The following GLE1 variants were observed in gnomAD, a reference collection of about 807,000 sequenced individuals.
The protein encoded by GLE1 is GLE1 RNA export mediator.
Under a neutral mutation model 97.3 loss-of-function variants are expected in GLE1, and 78 were observed. The ratio of observed to expected loss-of-function variants is 0.80; its 90% CI spans 0.67 to 0.97. GLE1 has a LOEUF of 0.97. Ranked by LOEUF, GLE1 falls within the 50% of genes least tolerant of loss-of-function variation. GLE1 has a pLI of 0.00. For missense variants in GLE1, 753 were observed against 857.5 expected, an observed-to-expected ratio of 0.88 and a Z score of 1.52; for synonymous variants, 302 against 313.4, an observed-to-expected ratio of 0.96 and a Z score of 0.39.
chr9:128,532,445 C>T (rs989737582), intron 9 of GLE1, among the ~76,000 whole-genome samples: 25 of 151,032 alleles, frequency 1.7e-4, no homozygotes, highest in Admixed American at 4.0e-4. Context: ...AGGCTGGTCT[C>T]GAACTCCTGA....
At chr9:128,525,968 G>A (rs1002327328) in intron 7 of GLE1, among the ~76,000 whole-genome samples, 1 of 152,142 alleles carries the variant, frequency 6.6e-6, no homozygotes, top group African/African-American at 2.4e-5. Flanking sequence ...TGAGAGTGCT[G>A]ACTCTGGAGC....
chr9:128,541,145 T>C lies in GLE1; in HGVS notation c.2072T>C (p.Leu691Pro). 1 of 1,589,310 alleles carries C rather than the reference T, an allele frequency of 6.3e-7. No homozygotes were observed. The highest frequency in any genetic ancestry group is 1.1e-5 in the South Asian group (1 of 90,502). Residue 691 changes from leucine (L) to proline (P), a missense_variant, in exon 16 of 16, where the codon CTG (leucine) becomes CCG (proline). By Grantham distance (98) the Leu-to-Pro change is moderately conservative. Coordinates refer to ENST00000309971, the MANE Select transcript of GLE1 (RefSeq NM_001003722.2). ...GACATTCCTGTCCCCAAGGGCTTTCTGACTTCCTCCTTCTGGCGCTCCTGA... is the reference window on the plus strand; with the variant it reads ...GACATTCCTGTCCCCAAGGGCTTTCCGACTTCCTCCTTCTGGCGCTCCTGA... Reference protein sequence around the residue: ...HKDIPVPKGFLTSSFWRS With the variant: ...HKDIPVPKGFPTSSFWRS
intron 2 of GLE1, among the ~76,000 whole-genome samples, chr9:128,514,207 C>G (rs559258062): frequency 6.7e-5 from 10 of 148,916 alleles, no homozygotes; most frequent in African/African-American, 2.2e-4. Context: ...GGTGTGGTGG[C>G]GTGCGCCAGT....
At chr9:128,520,598 T>C (rs889837616) in intron 3 of GLE1, among the ~76,000 whole-genome samples, 1 of 151,896 alleles carries the variant, frequency 6.6e-6, no homozygotes, top group African/African-American at 2.4e-5. Flanking sequence ...CCCACCTATA[T>C]GAGTCGTGGC....
chr9:128,518,162 T>C (rs1333249976), intron 3 of GLE1, among the ~76,000 whole-genome samples: 2 of 152,136 alleles, frequency 1.3e-5, no homozygotes, highest in Non-Finnish European at 2.9e-5. Context: ...GCCTATTTTT[T>C]TTTTTTTCCG....
chr9:128,537,823 A>G (rs2132530427), intron 12 of GLE1, among the ~76,000 whole-genome samples, 163 bp from the exon 13 acceptor site: 1 of 152,314 alleles, frequency 6.6e-6, no homozygotes, highest in East Asian at 1.9e-4. Context: ...AAAATAAAAG[A>G]AAAACAGAAT....
intron 13 of GLE1, among the ~76,000 whole-genome samples, chr9:128,538,460 C>T (rs909353575): frequency 6.6e-6 from 1 of 151,908 alleles, no homozygotes; most frequent in African/African-American, 2.4e-5. Flanking sequence ...GTCAGGAGTT[C>T]GAGCCCAGCT....
In GLE1 at chr9:128,512,689, T is replaced by C. The variant is rs375082607; in HGVS notation, c.322-2840T>C. Among the ~76,000 whole-genome samples the C allele has an allele frequency of 2.6e-5, 4 of 151,838 alleles. No homozygotes were observed. In the South Asian group the frequency reaches 6.3e-4, roughly 24 times the overall value. Reference sequence around the variant, plus strand: ...GCTGAGGTCTTTTTTTTTTTTAATATGGAGTTTCGCTTTTGTCGCCCAGGC... The same window carrying C: ...GCTGAGGTCTTTTTTTTTTTTAATACGGAGTTTCGCTTTTGTCGCCCAGGC... On this transcript the variant is annotated intron_variant, in intron 2 of 15. Transcript: ENST00000309971.
chr9:128,512,029 C>T (rs753169169), intron 2 of GLE1, among the ~76,000 whole-genome samples: 2 of 152,072 alleles, frequency 1.3e-5, no homozygotes, highest in Admixed American at 6.6e-5. Context: ...AGGCTGGTCT[C>T]GAACTCCTGT....
At position 128,539,033 on chromosome 9, in the gene GLE1, G is replaced by C. The variant is rs117558876; in HGVS notation, c.1882-583G>C. Among the ~76,000 whole-genome samples, 1,455 of 152,196 alleles carry C rather than the reference G, an allele frequency of 9.6e-3. 30 individuals are homozygous for C. The highest frequency in any genetic ancestry group is 0.073 in the East Asian group (376 of 5,170). On this transcript the variant is annotated intron_variant, in intron 13 of 15. Coordinates refer to ENST00000309971, the MANE Select transcript of GLE1 (RefSeq NM_001003722.2). ...AGGCAGGCGGATCACTTGAGCTCTG[G>C]AGTTCAAGACCAGCCAGGGCAATAT...
intron 2 of GLE1, among the ~76,000 whole-genome samples, chr9:128,514,701 G>A (rs939736126): frequency 2.6e-5 from 4 of 151,924 alleles, no homozygotes; most frequent in African/African-American, 4.8e-5. Context: ...GTAGAGACAG[G>A]GTATGTCTTG....
chr9:128,515,693 G>T, intron 3 of GLE1, 54 bp downstream of exon 3: 1 of 929,338 alleles, frequency 1.1e-6, no homozygotes, highest in South Asian at 1.3e-5. Context: ...ACATTTAACT[G>T]CAGTTCCCCA....
rs763629913 is a variant in GLE1 at position 128,541,162 on chromosome 9, C to T, written c.2089C>T (p.Arg697Cys). 1.4e-5 allele frequency: 22 copies of T among 1,558,350 alleles called. No individual in the cohort carries two copies. The highest frequency in any genetic ancestry group is 8.3e-5 in the Admixed American group (5 of 59,944). ...PKGFLTSSFW[R>C]S The stretch of plus-strand genomic sequence containing the variant: ...GGGCTTTCTGACTTCCTCCTTCTGG[C>T]GCTCCTGATGTCACTCCATCACCCA... Residue 697 changes from arginine (R) to cysteine (C), a missense_variant, in exon 16 of 16, where the codon CGC becomes TGC. Physicochemically the swap from Arg to Cys is radical, Grantham distance 180. Transcript: ENST00000309971.
At chr9:128,534,328 C>T (rs1183796674) in intron 11 of GLE1, among the ~76,000 whole-genome samples, 1 of 152,064 alleles carries the variant, frequency 6.6e-6, no homozygotes, top group Non-Finnish European at 1.5e-5. Context: ...AAGATCGCAC[C>T]AGTATACTCC....
chr9:128,505,955 G>A (rs1336788060), intron 1 of GLE1, among the ~76,000 whole-genome samples: 1 of 151,988 alleles, frequency 6.6e-6, no homozygotes, highest in Admixed American at 6.6e-5. Flanking sequence ...CTGTAAGGAG[G>A]TGCTTTCTAT....
intron 2 of GLE1, among the ~76,000 whole-genome samples, chr9:128,513,474 T>A (rs1043397324): frequency 3.3e-5 from 5 of 152,116 alleles, no homozygotes; most frequent in Admixed American, 6.6e-5. Flanking sequence ...CCCAGGACTT[T>A]GGGAGGCCAA....
chr9:128,512,915 C>T (rs570057904), intron 2 of GLE1, among the ~76,000 whole-genome samples: 2 of 152,328 alleles, frequency 1.3e-5, no homozygotes, highest in South Asian at 2.1e-4. Flanking sequence ...TCCCAACATG[C>T]TGGGATTACA....
chr9:128,522,514 A>G (rs1847178782), intron 3 of GLE1, among the ~76,000 whole-genome samples, 154 bp from the exon 4 acceptor site: 1 of 151,814 alleles, frequency 6.6e-6, no homozygotes. Context: ...TTAGCTGGGC[A>G]TGGTGGCAGG....
At chr9:128,523,950 G>T in intron 6 of GLE1, 104 bp downstream of exon 6, 2 of 1,065,380 alleles carry the variant, frequency 1.9e-6, no homozygotes, top group East Asian at 2.5e-5. Flanking sequence ...TCTGCTTATT[G>T]GGGGAAATAC....
Sources: allele counts gnomAD v4.1 joint callset (sites outside exome capture counted in the v4.1 genomes callset), GRCh38; gene constraint gnomAD v4.1.1; transcripts MANE v1.5; gene names NCBI Gene and HGNC (gene_info 2026-07-23, HGNC 2026-07-21).